ARHGEF12: variants seen among roughly 807,000 people sequenced by gnomAD.
The protein encoded by ARHGEF12 is Rho guanine nucleotide exchange factor 12.
ARHGEF12 carries 66 observed loss-of-function variants against 211.2 expected under a neutral mutation model. The ratio of observed to expected loss-of-function variants is 0.31; its 90% CI spans 0.26 to 0.38. The LOEUF is 0.38. ARHGEF12 is among the 10% of genes least tolerant of loss of function. ARHGEF12 has a pLI of 1.00. For synonymous variants in ARHGEF12, 592 were observed against 638.4 expected, an observed-to-expected ratio of 0.93 and a Z score of 1.09; for missense variants, 1,429 against 1,869.5, an observed-to-expected ratio of 0.76 and a Z score of 4.34.
chr11:120,459,118 T>G, intron 25 of ARHGEF12, 56 bp from the exon 26 acceptor site: 1 of 1,416,424 alleles, frequency 7.1e-7, no homozygotes, highest in Non-Finnish European at 9.4e-7. Context: ...AGACTATGAT[T>G]GATCCCATGG....
chr11:120,345,420 C>G (rs1303205126), intron 1 of ARHGEF12, among the ~76,000 whole-genome samples: 1 of 152,164 alleles, frequency 6.6e-6, no homozygotes, highest in Non-Finnish European at 1.5e-5. Context: ...ATGCATATAA[C>G]AGGCCGGGCG....
chr11:120,380,554 G>C (rs1943849839), intron 1 of ARHGEF12, among the ~76,000 whole-genome samples: 1 of 152,148 alleles, frequency 6.6e-6, no homozygotes, highest in East Asian at 1.9e-4. Context: ...CTGTTGCTCG[G>C]TATTAGACTG....
intron 27 of ARHGEF12, among the ~76,000 whole-genome samples, chr11:120,461,765 T>C (rs1946542380): frequency 6.6e-6 from 1 of 152,222 alleles, no homozygotes; most frequent in South Asian, 2.1e-4. Context: ...TAGCTTCTAC[T>C]GCTATATCAG....
At chr11:120,454,086 G>A (rs568805642) in intron 22 of ARHGEF12, among the ~76,000 whole-genome samples, 7 of 152,066 alleles carry the variant, frequency 4.6e-5, no homozygotes, top group African/African-American at 1.7e-4. Flanking sequence ...TCTGACATTT[G>A]GGAGTCCAAA....
chr11:120,462,144 G>A (rs781634648), intron 27 of ARHGEF12, among the ~76,000 whole-genome samples: 16 of 152,080 alleles, frequency 1.1e-4, no homozygotes, highest in Admixed American at 2.0e-4. Flanking sequence ...ATCATTTCTA[G>A]CTTTTAATTT....
At chr11:120,343,948 CA>C (rs917976810) in intron 1 of ARHGEF12, among the ~76,000 whole-genome samples, 19 of 151,800 alleles carry the variant, frequency 1.3e-4, no homozygotes, top group Non-Finnish European at 2.8e-4. Context: ...TTTATGGATT[CA>C]AAAAAATGTA....
Position 120,488,790 on chromosome 11 carries a change from A to G in ARHGEF12, c.*3713A>G, listed in dbSNP as rs1312430652. On this transcript the variant is annotated 3_prime_UTR_variant, in exon 41 of 41. Transcript: ENST00000397843. ...GAAATTGCTTTTAAAAAATATCTGG[A>G]ACTATCTTTAAAAAAACTTTATTAA... 4.7e-6 allele frequency: 1 copy of G among 211,116 alleles called. No individual in the cohort carries two copies. Among genetic ancestry groups the G allele is most frequent in the Non-Finnish European group, 9.6e-6 (1 of 103,914 alleles). 13.1% of individuals were successfully genotyped at this position (211,116 alleles called of 1,614,324 possible).
At chr11:120,433,959 G>C (rs1019495482) in intron 11 of ARHGEF12, among the ~76,000 whole-genome samples, 2 of 151,928 alleles carry the variant, frequency 1.3e-5, no homozygotes, top group Non-Finnish European at 2.9e-5. Flanking sequence ...CTCCATCTCA[G>C]GGGTGGGTAA....
rs1210259153 is a variant in ARHGEF12, at chr11:120,336,917, C to T, written c.-327C>T. Reference sequence around the variant, plus strand: ...CCCGCCCCAGCCCCGGCGGGAGTCCCGGGTCCCCTTCCCACTGCGCGCGGA... The same window carrying T: ...CCCGCCCCAGCCCCGGCGGGAGTCCTGGGTCCCCTTCCCACTGCGCGCGGA... On this transcript the variant is annotated 5_prime_UTR_variant, in exon 1 of 41. Coordinates refer to ENST00000397843, the MANE Select transcript of ARHGEF12 (RefSeq NM_015313.3). 2.3e-6 allele frequency: 1 copy of T among 435,526 alleles called. No individual in the cohort carries two copies. The allele number at this position is 435,526 out of a possible 1,614,324, so 27.0% of individuals were successfully genotyped here. A position where few individuals can be genotyped will look rare whatever the true frequency, so the allele number is the denominator to read the frequency against.
In ARHGEF12 at chr11:120,337,142, C is replaced by T; in HGVS notation, c.-102C>T. On this transcript the variant is annotated 5_prime_UTR_variant, in exon 1 of 41. Transcript: ENST00000397843. ...GAGTTTTGAGTTGGACTTTTGTGTC[C>T]CTGACGGAGTTGGGCCTGATCCCAG... is the stretch of plus-strand genomic sequence containing the variant. 7 of 1,408,636 alleles carry T rather than the reference C, an allele frequency of 5.0e-6. No individual in the cohort carries two copies. The highest frequency in any genetic ancestry group is 7.0e-6 in the Non-Finnish European group (7 of 995,394). The allele number at this position is 1,408,636 out of a possible 1,614,324, so 87.3% of individuals were successfully genotyped here. A position where few individuals can be genotyped will look rare whatever the true frequency, so the allele number is the denominator to read the frequency against.
chr11:120,397,648 A>G (rs972996458), intron 1 of ARHGEF12, among the ~76,000 whole-genome samples: 1 of 152,202 alleles, frequency 6.6e-6, no homozygotes, highest in African/African-American at 2.4e-5. Context: ...TGGAAGTTCA[A>G]TATATAGAAT....
chr11:120,448,417 C>T (rs903360453), intron 20 of ARHGEF12, 69 bp downstream of exon 20: 1 of 1,145,860 alleles, frequency 8.7e-7, no homozygotes, highest in South Asian at 1.3e-5. Flanking sequence ...GCAGTGTCTT[C>T]CATCATCTTA....
chr11:120,409,768 G>C (rs1183938138), intron 4 of ARHGEF12: 1 of 218,364 alleles, frequency 4.6e-6, no homozygotes, highest in African/African-American at 2.3e-5. Context: ...TAACATGAAT[G>C]GGCTTTGAAT....
intron 39 of ARHGEF12, among the ~76,000 whole-genome samples, chr11:120,482,894 T>C (rs1947290670): frequency 6.6e-6 from 1 of 152,196 alleles, no homozygotes; most frequent in Non-Finnish European, 1.5e-5. Context: ...AGTTTCTCTT[T>C]TACCTTCATA....
At chr11:120,476,463 A>T in intron 33 of ARHGEF12, 198 bp from the exon 34 acceptor site, 1 of 402,476 alleles carries the variant, frequency 2.5e-6, no homozygotes. Flanking sequence ...GTTTTATTGA[A>T]GTACAATAAA....
intron 1 of ARHGEF12, among the ~76,000 whole-genome samples, chr11:120,356,932 AAG>A (rs1320781129): frequency 6.6e-6 from 1 of 152,212 alleles, no homozygotes; most frequent in Non-Finnish European, 1.5e-5. Context: ...CAGGTGAAGA[AAG>A]AGAAAGTTTA....
intron 15 of ARHGEF12, among the ~76,000 whole-genome samples, chr11:120,444,721 C>T (rs953325010): frequency 7.2e-5 from 11 of 152,080 alleles, no homozygotes; most frequent in African/African-American, 2.7e-4. Flanking sequence ...ATAAAGTATT[C>T]CCCTCCATTA....
chr11:120,393,856 A>C (rs1591536991), intron 1 of ARHGEF12, among the ~76,000 whole-genome samples: 1 of 151,450 alleles, frequency 6.6e-6, no homozygotes, highest in South Asian at 2.1e-4. Context: ...ACAACCAAAT[A>C]CTTTTTTTTT....
chr11:120,476,629 G>A, intron 33 of ARHGEF12, 32 bp from the exon 34 acceptor site: 1 of 1,576,710 alleles, frequency 6.3e-7, no homozygotes, highest in Non-Finnish European at 8.7e-7. Context: ...CCAGGTCATA[G>A]TATTAGAGTA....
Sources: allele counts gnomAD v4.1 joint callset (sites outside exome capture counted in the v4.1 genomes callset), GRCh38; gene constraint gnomAD v4.1.1; transcripts MANE v1.5; gene names NCBI Gene and HGNC (gene_info 2026-07-23, HGNC 2026-07-21).